The following CUL5 variants were observed in gnomAD, a reference collection of about 807,000 sequenced individuals.
CUL5 encodes cullin 5, also known as cullin-5.
A neutral mutation model predicts 108.8 loss-of-function variants in CUL5; 26 were observed. The observed-to-expected ratio is 0.24, with a 90% confidence interval of 0.18 to 0.33. The LOEUF (loss-of-function observed/expected upper bound fraction) is 0.33. Among genes scored for constraint, CUL5 ranks in the 10% least tolerant of loss-of-function variants. The pLI, the probability that CUL5 is intolerant of heterozygous loss-of-function variation, is 1.00. For missense variants in CUL5, 524 were observed against 909.2 expected (o/e 0.58, Z 5.45); for synonymous variants, 334 against 298.0 (o/e 1.12, Z -1.25).
At chr11:108,018,470 C>T (rs1414142589) in intron 1 of CUL5, among the ~76,000 whole-genome samples, 1 of 151,792 alleles carries the variant, frequency 6.6e-6, no homozygotes, top group Non-Finnish European at 1.5e-5. Flanking sequence ...AGTTCAAGAC[C>T]ATCCTGGCCA....
At position 108,098,480 on chromosome 11, in the gene CUL5, G is replaced by A. The variant is rs190954301; in HGVS notation, c.2099G>A (p.Arg700Lys). 6.3e-6 allele frequency: 10 copies of A among 1,597,240 alleles called. No individual in the cohort carries two copies. In the Admixed American group the frequency reaches 1.0e-4, roughly 17 times the overall value. ...GRLQLTTERMREEENEGIVQL... is the reference protein window; with the variant it reads ...GRLQLTTERMKEEENEGIVQL... ...TTGCAGCTCACTACAGAAAGGATGA[G>A]AGAAGAAGAGAATGAAGGAATAGTT... The change falls in exon 18 of 19, where the codon AGA becomes AAA. Residue 700 changes from arginine (R) to lysine (K), a missense_variant. Arg to Lys is a conservative substitution (Grantham distance 26). Coordinates refer to ENST00000393094, the MANE Select transcript of CUL5 (RefSeq NM_003478.6).
chr11:108,086,857 T>G (rs767882111), intron 11 of CUL5, among the ~76,000 whole-genome samples: 1 of 152,208 alleles, frequency 6.6e-6, no homozygotes, highest in African/African-American at 2.4e-5. Context: ...CTGGTATTGA[T>G]GTACATAGAA....
At chr11:108,103,672 A>G (rs1426543955) in intron 18 of CUL5, among the ~76,000 whole-genome samples, 3 of 152,222 alleles carry the variant, frequency 2.0e-5, no homozygotes, top group East Asian at 1.9e-4. Flanking sequence ...CACAGGTAAG[A>G]TAACTTTTAA....
intron 14 of CUL5, 145 bp from the exon 15 acceptor site, chr11:108,094,667 T>G: frequency 1.2e-6 from 1 of 814,224 alleles, no homozygotes; most frequent in South Asian, 2.2e-5. Context: ...TGTGTTAGAT[T>G]TACAGATCTT....
chr11:108,023,328 A>G (rs929020633), intron 1 of CUL5, among the ~76,000 whole-genome samples: 1 of 152,234 alleles, frequency 6.6e-6, no homozygotes, highest in Admixed American at 6.5e-5. Flanking sequence ...GTGTCTTTTA[A>G]TGGCTAAAGT....
In CUL5 at chr11:108,107,514, A is replaced by G. The variant is rs1864830453; in HGVS notation, c.*3130A>G. ...TTACATGAGAGCTTTCCTGTCATCT[A>G]CACTATATGTTGTCTGGAGTGTTGA... On this transcript the variant is annotated 3_prime_UTR_variant, in exon 19 of 19. Coordinates refer to ENST00000393094, the MANE Select transcript of CUL5 (RefSeq NM_003478.6). 6.6e-6 allele frequency: 1 copy of G among 152,658 alleles called. No homozygotes were observed. Among genetic ancestry groups the G allele is most frequent in the Non-Finnish European group, 1.5e-5 (1 of 68,040 alleles). 9.5% of individuals were successfully genotyped at this position (152,658 alleles called of 1,614,324 possible).
At position 108,105,753 on chromosome 11, in the gene CUL5, G is replaced by A. The variant is rs1017621945; in HGVS notation, c.*1369G>A. 3.3e-5 allele frequency: 5 copies of A among 151,988 alleles called. No homozygotes were observed. Among genetic ancestry groups the A allele is most frequent in the Non-Finnish European group, 4.4e-5 (3 of 67,964 alleles). The allele number at this position is 151,988 out of a possible 1,614,324, so 9.4% of individuals were successfully genotyped here. On this transcript the variant is annotated 3_prime_UTR_variant, in exon 19 of 19. Coordinates refer to ENST00000393094, the MANE Select transcript of CUL5 (RefSeq NM_003478.6). ...TGGATTTTTATTCATTGTGGTGCACGTTTCAAATTTTCTTGCAAATTATTT... is the reference window on the plus strand; with the variant it reads ...TGGATTTTTATTCATTGTGGTGCACATTTCAAATTTTCTTGCAAATTATTT...
At chr11:108,047,314 T>C (rs1863092078) in intron 3 of CUL5, among the ~76,000 whole-genome samples, 1 of 152,136 alleles carries the variant, frequency 6.6e-6, no homozygotes, top group Non-Finnish European at 1.5e-5. Context: ...AGACCCTGTC[T>C]CAAAAAAAGG....
At chr11:108,076,426 C>T (rs1863942100) in intron 10 of CUL5, among the ~76,000 whole-genome samples, 1 of 152,156 alleles carries the variant, frequency 6.6e-6, no homozygotes, top group Admixed American at 6.5e-5. Context: ...ATCATGTCAC[C>T]TACATTTCCT....
intron 7 of CUL5, among the ~76,000 whole-genome samples, chr11:108,064,486 T>A (rs1463274443): frequency 6.6e-6 from 1 of 152,120 alleles, no homozygotes; most frequent in Non-Finnish European, 1.5e-5. Flanking sequence ...GGCAGGTGGA[T>A]CACTTGAGGT....
intron 1 of CUL5, among the ~76,000 whole-genome samples, chr11:108,032,853 T>G (rs1480816777): frequency 6.6e-6 from 1 of 152,056 alleles, no homozygotes; most frequent in Non-Finnish European, 1.5e-5. Flanking sequence ...AGTATTTTTC[T>G]GTTTTTTTTT....
chr11:108,046,746 C>A, intron 3 of CUL5, among the ~76,000 whole-genome samples: 1 of 152,128 alleles, frequency 6.6e-6, no homozygotes, highest in South Asian at 2.1e-4. Flanking sequence ...CCAGATCCTT[C>A]TCCAATTGTA....
chr11:108,042,193 G>GCAGTTAC (rs997712891), intron 2 of CUL5, among the ~76,000 whole-genome samples: 10 of 149,022 alleles, frequency 6.7e-5, no homozygotes, highest in African/African-American at 2.2e-4. Flanking sequence ...ATAGTCCACT[G>GCAGTTAC]CAGTTACCTT....
chr11:108,080,383 C>T (rs1028306294), intron 11 of CUL5, among the ~76,000 whole-genome samples: 10 of 152,084 alleles, frequency 6.6e-5, no homozygotes, highest in African/African-American at 2.4e-4. Context: ...GCTACCATGC[C>T]CAGGCCTTTT....
intron 1 of CUL5, among the ~76,000 whole-genome samples, chr11:108,021,445 G>A (rs1436721551): frequency 1.3e-5 from 2 of 152,084 alleles, no homozygotes; most frequent in African/African-American, 4.8e-5. Context: ...AAGATATACA[G>A]CAATAATAAC....
At chr11:108,022,103 A>G (rs1862341421) in intron 1 of CUL5, among the ~76,000 whole-genome samples, 1 of 92,300 alleles carries the variant, frequency 1.1e-5, no homozygotes, top group South Asian at 4.0e-4. Context: ...CCGTGCTGGA[A>G]TTATAGGCAT....
At chr11:108,030,440 C>G (rs564199942) in intron 1 of CUL5, among the ~76,000 whole-genome samples, 2 of 152,248 alleles carry the variant, frequency 1.3e-5, no homozygotes, top group East Asian at 3.9e-4. Flanking sequence ...GAGTTTGAGA[C>G]CAGCCTGATG....
At chr11:108,033,954 T>A (rs1862659847) in intron 2 of CUL5, 43 bp downstream of exon 2, 3 of 1,194,298 alleles carry the variant, frequency 2.5e-6, no homozygotes, top group Non-Finnish European at 3.7e-6. Flanking sequence ...AAAGGAAATT[T>A]TAGTGATGTC....
At chr11:108,081,422 T>G (rs909278449) in intron 11 of CUL5, among the ~76,000 whole-genome samples, 1 of 151,746 alleles carries the variant, frequency 6.6e-6, no homozygotes, top group African/African-American at 2.4e-5. Context: ...ACCCAATTGT[T>G]CCAGCATTCA....
Sources: gnomAD v4.1 joint callset for allele counts (sites outside exome capture counted in the v4.1 genomes callset) on GRCh38, gnomAD v4.1.1 for gene constraint, MANE v1.5 for transcripts, NCBI Gene and HGNC (gene_info 2026-07-23, HGNC 2026-07-21) for gene names.